The following DMD variants were observed in gnomAD, a reference collection of about 807,000 sequenced individuals.
DMD encodes mutant dystrophin.
DMD carries 63 observed loss-of-function variants against 330.1 expected under a neutral mutation model. The observed-to-expected ratio is 0.19, with a 90% CI of 0.16 to 0.24. DMD has a LOEUF of 0.24. DMD is among the 10% of genes least tolerant of loss of function. DMD has a pLI of 1.00. For missense variants in DMD, 3,344 were observed against 2,684.1 expected (o/e 1.25, Z -5.43); for synonymous variants, 1,223 against 959.8 (o/e 1.27, Z -5.07).
intron 44 of DMD, among the ~76,000 whole-genome samples, chrX:32,084,609 G>T (rs2897164): frequency 0.38 from 41,833 of 110,486 alleles, 6,168 homozygotes; most frequent in East Asian, 0.59. Context: ...ATAGATAGAT[G>T]ATGGTGCCAA....
rs1427705187 is a variant in DMD, at chrX:31,266,919, GC to G, written c.9225-5904del. 7.5e-5 allele frequency: 87 copies of G among 1,160,738 alleles called. No homozygotes were observed. The Admixed American group carries it at 2.2e-3, about 29-fold the overall frequency. On this transcript the variant is annotated intron_variant, in intron 62 of 78. Transcript: ENST00000357033. ...GGCTCCCCGAAAGTGGAGCGCCGCC[GC>G]CGCCGCCGCCCAAGCTCACAGCTGA...
At chrX:31,839,258 C>T (rs534646633) in intron 48 of DMD, among the ~76,000 whole-genome samples, 2 of 112,063 alleles carry the variant, frequency 1.8e-5, no homozygotes, top group South Asian at 7.4e-4. Context: ...ATAGTTTTGA[C>T]CATTCCTAAA....
intron 44 of DMD, among the ~76,000 whole-genome samples, chrX:32,170,116 A>G (rs1299141612): frequency 9.1e-6 from 1 of 110,399 alleles, no homozygotes; most frequent in East Asian, 2.8e-4. Flanking sequence ...CATTATGTGC[A>G]TGCTGTAACT....
chrX:31,251,425 T>C (rs887579954), intron 63 of DMD, among the ~76,000 whole-genome samples: 3 of 112,163 alleles, frequency 2.7e-5, no homozygotes, highest in African/African-American at 6.5e-5. Context: ...GTCTCCGTTA[T>C]ATAAGCTTCT....
chrX:32,387,577 C>CAATT (rs2097968214), intron 32 of DMD, among the ~76,000 whole-genome samples: 1 of 111,165 alleles, frequency 9.0e-6, no homozygotes, highest in South Asian at 3.7e-4. Flanking sequence ...AAAGGCTGGA[C>CAATT]AATTATCTGA....
At chrX:31,610,135 CCT>C (rs938823367) in intron 55 of DMD, among the ~76,000 whole-genome samples, 2 of 110,388 alleles carry the variant, frequency 1.8e-5, no homozygotes, top group African/African-American at 3.3e-5. Context: ...CTTCTCTTCT[CCT>C]CTCTCTGTCT....
intron 30 of DMD, among the ~76,000 whole-genome samples, chrX:32,402,773 G>C (rs1364092711): frequency 4.5e-5 from 5 of 111,359 alleles, no homozygotes; most frequent in Admixed American, 2.9e-4. Flanking sequence ...CAATCATAAG[G>C]CATTATGACA....
chrX:32,250,667 G>A (rs1243164338), intron 43 of DMD, among the ~76,000 whole-genome samples: 1 of 111,727 alleles, frequency 9.0e-6, no homozygotes, highest in Non-Finnish European at 1.9e-5. Flanking sequence ...TCAACATATG[G>A]TCAGCCACTT....
At chrX:31,286,531 G>A (rs761901359) in intron 62 of DMD, among the ~76,000 whole-genome samples, 1 of 112,067 alleles carries the variant, frequency 8.9e-6, no homozygotes, top group African/African-American at 3.2e-5. Context: ...AAGTGAATGA[G>A]TAAATATAAT....
At chrX:32,178,196 ATTTT>A (rs10597296) in intron 44 of DMD, among the ~76,000 whole-genome samples, 40 of 100,635 alleles carry the variant, frequency 4.0e-4, no homozygotes, top group Middle Eastern at 5.1e-3. Context: ...TCTCAAGACC[ATTTT>A]TTTTTTTTTT....
At chrX:33,127,037 G>C (rs1005767447) in intron 1 of DMD, among the ~76,000 whole-genome samples, 3 of 111,379 alleles carry the variant, frequency 2.7e-5, no homozygotes, top group African/African-American at 9.8e-5. Context: ...ACTTGCAAAA[G>C]GGTAACTTTT....
At chrX:32,720,470 C>T (rs1209478440) in intron 7 of DMD, among the ~76,000 whole-genome samples, 1 of 112,023 alleles carries the variant, frequency 8.9e-6, no homozygotes, top group Non-Finnish European at 1.9e-5. Context: ...TTATTCGATT[C>T]ACATTGTTTG....
Position 33,020,357 on chromosome X carries a change from T to A in DMD, c.32-157A>T, listed in dbSNP as rs1021159372. 16 of 435,803 alleles carry A rather than the reference T, an allele frequency of 3.7e-5. No homozygotes were observed. The South Asian group carries it at 5.3e-4, about 15-fold the overall frequency. The allele number at this position is 435,803 out of a possible 1,213,427, so 35.9% of individuals were successfully genotyped here. ...GGAATTAAACATGAGTGATGCTGGTTTGGGGCATCCAAATTAAAATTACTT... is the reference window on the plus strand; with the variant it reads ...GGAATTAAACATGAGTGATGCTGGTATGGGGCATCCAAATTAAAATTACTT... On this transcript the variant is annotated intron_variant, in intron 1 of 78. Transcript: ENST00000357033.
intron 11 of DMD, among the ~76,000 whole-genome samples, chrX:32,635,427 C>T (rs374255315): frequency 9.0e-6 from 1 of 111,478 alleles, no homozygotes; most frequent in African/African-American, 3.3e-5. Flanking sequence ...CGATTTTTCT[C>T]CACCTCCTCC....
At chrX:32,621,590 G>A (rs755357339) in intron 11 of DMD, among the ~76,000 whole-genome samples, 9 of 109,621 alleles carry the variant, frequency 8.2e-5, no homozygotes, top group Non-Finnish European at 1.7e-4. Flanking sequence ...TCCCAAAAGT[G>A]CTGGGATTAT....
chrX:32,224,030 A>G (rs768960305), intron 43 of DMD, among the ~76,000 whole-genome samples: 202 of 111,443 alleles, frequency 1.8e-3, no homozygotes, highest in African/African-American at 6.2e-3. Context: ...CTTTTCAAGA[A>G]CTTTTCCCAT....
chrX:32,684,402 G>A (rs776104979), intron 9 of DMD, among the ~76,000 whole-genome samples: 1 of 111,316 alleles, frequency 9.0e-6, no homozygotes, highest in East Asian at 2.8e-4. Flanking sequence ...TTTACCCTAA[G>A]TTTTATTAAT....
intron 7 of DMD, among the ~76,000 whole-genome samples, chrX:32,727,418 A>T (rs1174728081): frequency 9.0e-6 from 1 of 111,232 alleles, no homozygotes; most frequent in Non-Finnish European, 1.9e-5. Context: ...AATTCTGATT[A>T]ATGTTCAAGC....
At chrX:33,105,863 G>A (rs1013676082) in intron 1 of DMD, among the ~76,000 whole-genome samples, 9 of 111,639 alleles carry the variant, frequency 8.1e-5, no homozygotes. Context: ...ACAGTATGGA[G>A]ATTTCTCAAA....
Sources: allele counts gnomAD v4.1 joint callset (sites outside exome capture counted in the v4.1 genomes callset), GRCh38; gene constraint gnomAD v4.1.1; transcripts MANE v1.5; gene names NCBI Gene and HGNC (gene_info 2026-07-23, HGNC 2026-07-21).